The following TRPM3 variants were observed in gnomAD, a reference collection of about 807,000 sequenced individuals.
TRPM3 encodes transient receptor potential cation channel subfamily M member 3.
Under a neutral mutation model 181.2 loss-of-function variants are expected in TRPM3, and 77 were observed. The ratio of observed to expected loss-of-function variants is 0.42; its 90% CI spans 0.35 to 0.51. The LOEUF (loss-of-function observed/expected upper bound fraction) is 0.51. Ranked by LOEUF, TRPM3 falls within the 20% of genes least tolerant of loss-of-function variation. TRPM3 has a pLI of 0.01. For missense variants in TRPM3, 1,759 were observed against 2,196.7 expected (o/e 0.80, Z 3.98); for synonymous variants, 745 against 796.4 (o/e 0.94, Z 1.09).
rs71367210 is a variant in TRPM3 at position 70,664,641 on chromosome 9, G to GTTTTTTTTTTTTTTTTTTTTTTTTTTTTT, written c.1345+16864_1345+16865insAAAAAAAAAAAAAAAAAAAAAAAAAAAAA. 2.0e-5 allele frequency among the ~76,000 whole-genome samples: 2 copies of GTTTTTTTTTTTTTTTTTTTTTTTTTTTTT among 100,220 alleles called. 1 individual carries two copies. 65.7% of individuals were successfully genotyped at this position (100,220 alleles called of 152,430 possible). ...ACAACCACACCCGATTAGGAGAGTAGTTTTTTTTTTTTTTTTTTTTTTTTT... is the reference window on the plus strand; with the variant it reads ...ACAACCACACCCGATTAGGAGAGTAGTTTTTTTTTTTTTTTTTTTTTTTTTTTTTTTTTTTTTTTTTTTTTTTTTTTTTT... On this transcript the variant is annotated intron_variant, in intron 9 of 25. Transcript: ENST00000677713.
Position 70,915,557 on chromosome 9 carries a change from G to A in TRPM3, c.178-51046C>T, listed in dbSNP as rs564042245. Among the ~76,000 whole-genome samples, 7 of 151,580 alleles carry A rather than the reference G, an allele frequency of 4.6e-5. No individual in the cohort carries two copies. In the South Asian group the frequency reaches 6.3e-4, roughly 14 times the overall value. ...CCTGACTTTGTGATCTGCCCGCCTT[G>A]GCCTCCCACAGTGCTGGGATTACAG... is the stretch of plus-strand genomic sequence containing the variant. On this transcript the variant is annotated intron_variant, in intron 1 of 25. Coordinates refer to ENST00000677713, the MANE Select transcript of TRPM3 (RefSeq NM_001366145.2).
chr9:71,253,477 T>G (rs2082479808), intron 1 of TRPM3, among the ~76,000 whole-genome samples: 1 of 152,174 alleles, frequency 6.6e-6, no homozygotes, highest in African/African-American at 2.4e-5. Flanking sequence ...GGACAGCCAC[T>G]TATAAGCATT....
chr9:71,082,195 G>T (rs1277161944), intron 1 of TRPM3, among the ~76,000 whole-genome samples: 1 of 152,146 alleles, frequency 6.6e-6, no homozygotes, highest in African/African-American at 2.4e-5. Context: ...TATATCAGAT[G>T]TATGAAGTGC....
intron 9 of TRPM3, among the ~76,000 whole-genome samples, chr9:70,653,684 A>G (rs1466254966): frequency 1.3e-5 from 2 of 151,206 alleles, no homozygotes; most frequent in African/African-American, 4.8e-5. Flanking sequence ...TCTCAAAAAA[A>G]AAAAAAAAAA....
chr9:70,690,981 G>A (rs2134439673), intron 8 of TRPM3, among the ~76,000 whole-genome samples: 1 of 152,278 alleles, frequency 6.6e-6, no homozygotes, highest in East Asian at 1.9e-4. Context: ...TTTTGCCAAA[G>A]AGACTGACTT....
chr9:70,535,373 A>G lies in TRPM3; in HGVS notation c.*580T>C. On this transcript the variant is annotated 3_prime_UTR_variant, in exon 26 of 26. Coordinates refer to ENST00000677713, the MANE Select transcript of TRPM3 (RefSeq NM_001366145.2). ...TTTTTTCTTTATAATGATCAATTAC[A>G]GAAGTGTTGGCATGAGAAGGATGTG... 1.3e-6 allele frequency: 2 copies of G among 1,532,858 alleles called. No homozygotes were observed. Among genetic ancestry groups the G allele is most frequent in the East Asian group, 4.9e-5 (2 of 40,820 alleles). 95.0% of individuals were successfully genotyped at this position (1,532,858 alleles called of 1,614,324 possible).
intron 1 of TRPM3, among the ~76,000 whole-genome samples, chr9:71,435,528 C>G (rs538071871): frequency 6.6e-6 from 1 of 152,292 alleles, no homozygotes; most frequent in Admixed American, 6.5e-5. Context: ...TGCAAGGAAC[C>G]TCATCTATTC....
chr9:70,570,231 GTT>G (rs35979004), intron 22 of TRPM3, among the ~76,000 whole-genome samples: 34,399 of 142,788 alleles, frequency 0.24, 4,745 homozygotes, highest in Middle Eastern at 0.32. Context: ...TTCAGATTTG[GTT>G]TTTTTTTTTG....
At chr9:71,059,709 C>T (rs1280436045) in intron 1 of TRPM3, among the ~76,000 whole-genome samples, 1 of 152,038 alleles carries the variant, frequency 6.6e-6, no homozygotes. Context: ...AGAAATTCTG[C>T]CCCAGGACTG....
chr9:71,386,039 G>T (rs576484150), intron 1 of TRPM3, among the ~76,000 whole-genome samples: 6 of 152,142 alleles, frequency 3.9e-5, no homozygotes, highest in African/African-American at 1.2e-4. Flanking sequence ...AAGTCAACAA[G>T]TAGTAGTAGC....
At chr9:70,676,907 C>A (rs1386914086) in intron 9 of TRPM3, among the ~76,000 whole-genome samples, 6 of 151,970 alleles carry the variant, frequency 3.9e-5, no homozygotes, top group Non-Finnish European at 8.8e-5. Context: ...CCCCATTTTC[C>A]CAAAGCCAGT....
rs1338166062 is a variant in TRPM3 at position 70,993,345 on chromosome 9, C to T, written c.177+127833G>A. 2.6e-5 allele frequency among the ~76,000 whole-genome samples: 4 copies of T among 151,850 alleles called. No individual in the cohort carries two copies. The South Asian group carries it at 6.2e-4, about 24-fold the overall frequency. ...TTTACATTAGGGTCATGGTAGTAGC[C>T]GTGTATAGAATCGATATGTATTCTA... On this transcript the variant is annotated intron_variant, in intron 1 of 25. Transcript: ENST00000677713.
chr9:70,948,712 A>G (rs2133660659), intron 1 of TRPM3, among the ~76,000 whole-genome samples: 1 of 152,286 alleles, frequency 6.6e-6, no homozygotes, highest in East Asian at 1.9e-4. Flanking sequence ...TTTGGCCAGC[A>G]TTTATGCTCT....
At chr9:70,971,945 A>G (rs1431727584) in intron 1 of TRPM3, among the ~76,000 whole-genome samples, 1 of 152,146 alleles carries the variant, frequency 6.6e-6, no homozygotes, top group Non-Finnish European at 1.5e-5. Flanking sequence ...CTAACAATAG[A>G]TGGTGAGGAT....
At chr9:71,234,760 G>A (rs1461989533) in intron 1 of TRPM3, among the ~76,000 whole-genome samples, 1 of 152,174 alleles carries the variant, frequency 6.6e-6, no homozygotes, top group Admixed American at 6.5e-5. Flanking sequence ...ACTTCAACAT[G>A]TAAATTTGGA....
At chr9:70,857,728 C>T (rs569480043) in intron 3 of TRPM3, among the ~76,000 whole-genome samples, 34 of 152,200 alleles carry the variant, frequency 2.2e-4, no homozygotes, top group East Asian at 1.4e-3. Flanking sequence ...CTTCTCTAGG[C>T]GCAGATTAGT....
rs372966280 is a variant in TRPM3 at position 70,864,520 on chromosome 9, G to C, written c.178-9C>G. ...ATCCAGGATTTCTGAGCCTGAAAAA[G>C]AAAACAAAAAAAAAAAAAAAAGAAA... On this transcript the variant is annotated splice_polypyrimidine_tract_variant and intron_variant, in intron 1 of 25. Coordinates refer to ENST00000677713, the MANE Select transcript of TRPM3 (RefSeq NM_001366145.2). 1.6e-3 allele frequency: 619 copies of C among 385,606 alleles called. No homozygotes were observed. Among genetic ancestry groups the C allele is most frequent in the Non-Finnish European group, 1.9e-3 (548 of 289,602 alleles). The allele number at this position is 385,606 out of a possible 1,614,324, so 23.9% of individuals were successfully genotyped here.
At chr9:70,940,671 A>G (rs1032820010) in intron 1 of TRPM3, among the ~76,000 whole-genome samples, 1 of 152,220 alleles carries the variant, frequency 6.6e-6, no homozygotes, top group African/African-American at 2.4e-5. Flanking sequence ...CCCTGTTTCC[A>G]TAAGGTGGTC....
At chr9:71,050,002 C>A (rs1038515843) in intron 1 of TRPM3, among the ~76,000 whole-genome samples, 2 of 152,070 alleles carry the variant, frequency 1.3e-5, no homozygotes, top group Non-Finnish European at 2.9e-5. Flanking sequence ...AGTGTCTTAC[C>A]ATTCACACAC....
Sources: gnomAD v4.1 joint callset for allele counts (sites outside exome capture counted in the v4.1 genomes callset) on GRCh38, gnomAD v4.1.1 for gene constraint, MANE v1.5 for transcripts, NCBI Gene and HGNC (gene_info 2026-07-23, HGNC 2026-07-21) for gene names.